CLEC16A: variants seen among roughly 807,000 people sequenced by gnomAD.
The protein encoded by CLEC16A is C-type lectin domain containing 16A, also known as protein CLEC16A.
A neutral mutation model predicts 109.5 loss-of-function variants in CLEC16A; 51 were observed. The ratio of observed to expected loss-of-function variants is 0.47; its 90% CI spans 0.37 to 0.59. CLEC16A has a LOEUF of 0.59. CLEC16A is among the 20% of genes least tolerant of loss of function. The pLI is 0.00. For missense variants in CLEC16A, 1,339 were observed against 1,394.0 expected, an observed-to-expected ratio of 0.96 and a Z score of 0.63; for synonymous variants, 673 against 564.2, an observed-to-expected ratio of 1.19 and a Z score of -2.73.
At chr16:11,044,130 T>C in intron 16 of CLEC16A, 58 bp downstream of exon 16, 1 of 1,455,952 alleles carries the variant, frequency 6.9e-7, no homozygotes, top group South Asian at 1.3e-5. Flanking sequence ...AACAGAAGTG[T>C]GGTGTCTGGT....
intron 11 of CLEC16A, among the ~76,000 whole-genome samples, chr16:11,016,409 C>G (rs971338358): frequency 6.6e-6 from 1 of 150,770 alleles, no homozygotes; most frequent in Non-Finnish European, 1.5e-5. Flanking sequence ...AGTGCAGTGG[C>G]CCAATCTTGG....
chr16:11,000,885 G>C (rs978514308), intron 10 of CLEC16A, among the ~76,000 whole-genome samples: 3 of 152,154 alleles, frequency 2.0e-5, no homozygotes, highest in Admixed American at 6.5e-5. Context: ...GCATATAATT[G>C]GTGGTCGTTT....
intron 18 of CLEC16A, 102 bp from the exon 19 acceptor site, chr16:11,060,800 C>A: frequency 8.1e-7 from 1 of 1,231,416 alleles, no homozygotes; most frequent in Non-Finnish European, 1.1e-6. Context: ...GCGTTTCTTT[C>A]TTTTTTAATA....
At chr16:11,020,050 T>C in intron 11 of CLEC16A, 143 bp from the exon 12 acceptor site, 1 of 857,508 alleles carries the variant, frequency 1.2e-6, no homozygotes, top group Non-Finnish European at 1.7e-6. Context: ...AGTGTGTCTC[T>C]GGTGTTCAGG....
At chr16:10,995,947 A>T (rs1054322380) in intron 10 of CLEC16A, among the ~76,000 whole-genome samples, 3 of 152,304 alleles carry the variant, frequency 2.0e-5, no homozygotes, top group Non-Finnish European at 4.4e-5. Context: ...CTTGATTATC[A>T]CAACAGCTTT....
intron 19 of CLEC16A, among the ~76,000 whole-genome samples, chr16:11,106,145 TG>T (rs2051205914): frequency 6.6e-6 from 1 of 152,240 alleles, no homozygotes; most frequent in Non-Finnish European, 1.5e-5. Flanking sequence ...GTAATTTGCC[TG>T]AACTTCACAA....
In CLEC16A at chr16:10,989,252, G is replaced by A. The variant is rs142749090; in HGVS notation, c.1071+6261G>A. On this transcript the variant is annotated intron_variant, in intron 10 of 23. Coordinates refer to ENST00000409790, the MANE Select transcript of CLEC16A (RefSeq NM_015226.3). Reference sequence around the variant, plus strand: ...TTGTTTTTTTTTGAGACAGGATCTCGCGTTGTTGCCCAGTCTGGAGAGCAG... The same window carrying A: ...TTGTTTTTTTTTGAGACAGGATCTCACGTTGTTGCCCAGTCTGGAGAGCAG... Among the ~76,000 whole-genome samples, 1,204 of 151,890 alleles carry A rather than the reference G, an allele frequency of 7.9e-3. 21 individuals carry two copies. The highest frequency in any genetic ancestry group is 0.028 in the African/African-American group (1,144 of 41,424).
At chr16:11,169,185 C>G (rs1597623189) in intron 23 of CLEC16A, among the ~76,000 whole-genome samples, 2 of 152,214 alleles carry the variant, frequency 1.3e-5, no homozygotes, top group East Asian at 3.8e-4. Context: ...TATGGAGCCT[C>G]CCAGAGTCCA....
intron 19 of CLEC16A, among the ~76,000 whole-genome samples, chr16:11,070,085 T>C (rs2048983672): frequency 6.6e-6 from 1 of 152,098 alleles, no homozygotes; most frequent in Admixed American, 6.5e-5. Context: ...TTTTTTTTTT[T>C]TTTGAGACGG....
chr16:11,021,867 A>C (rs960010441), intron 12 of CLEC16A, among the ~76,000 whole-genome samples: 1 of 152,164 alleles, frequency 6.6e-6, no homozygotes, highest in African/African-American at 2.4e-5. Context: ...TGATAAATGG[A>C]AACAGAGAAC....
chr16:11,009,907 A>C (rs1282201171), intron 11 of CLEC16A, among the ~76,000 whole-genome samples: 4 of 152,204 alleles, frequency 2.6e-5, no homozygotes, highest in African/African-American at 9.7e-5. Context: ...TAATCCCAGC[A>C]CTTCGGGAGG....
Position 11,178,313 on chromosome 16 carries a change from C to T in CLEC16A, c.2807-22C>T, listed in dbSNP as rs72650661. 0.015 allele frequency: 23,917 copies of T among 1,583,626 alleles called. 215 individuals carry two copies. Among genetic ancestry groups the T allele is most frequent in the Non-Finnish European group, 0.018 (20,817 of 1,158,600 alleles). ...GTGTCTCAAGGGCTCAGTGTGTTTC[C>T]GGTTTTTCTCCCCCAATCCAGATGC... On this transcript the variant is annotated intron_variant, in intron 23 of 23. Coordinates refer to ENST00000409790, the MANE Select transcript of CLEC16A (RefSeq NM_015226.3). The surrounding 1 kb of genome is among the most constrained non-coding windows in gnomAD (Gnocchi z 6.5).
At chr16:11,100,319 G>A (rs79295124) in intron 19 of CLEC16A, among the ~76,000 whole-genome samples, 48 of 152,044 alleles carry the variant, frequency 3.2e-4, no homozygotes, top group Non-Finnish European at 6.5e-4. Flanking sequence ...CCCTTTCTCC[G>A]CCTGCTGGTG....
intron 19 of CLEC16A, among the ~76,000 whole-genome samples, chr16:11,096,779 A>G (rs932919926): frequency 6.6e-6 from 1 of 152,220 alleles, no homozygotes; most frequent in East Asian, 1.9e-4. Context: ...AAATGTAGGA[A>G]TATTTTGTCC....
At position 11,174,521 on chromosome 16, in the gene CLEC16A, A is replaced by G. The variant is rs2068665089; in HGVS notation, c.2807-3814A>G. ...CGCGACAGTCCTTCACCTTCGCGACAGTCCTTCTGAGCCAGACCTGTACAG... is the reference window on the plus strand; with the variant it reads ...CGCGACAGTCCTTCACCTTCGCGACGGTCCTTCTGAGCCAGACCTGTACAG... On this transcript the variant is annotated intron_variant, in intron 23 of 23. Transcript: ENST00000409790. This position sits in a 1 kb window ranked among gnomAD's most constrained non-coding sequence, Gnocchi z 4.7. Among the ~76,000 whole-genome samples the G allele has an allele frequency of 6.6e-6, 1 of 152,200 alleles. No individual in the cohort carries two copies. Among genetic ancestry groups the G allele is most frequent in the Non-Finnish European group, 1.5e-5 (1 of 68,032 alleles).
Position 10,954,357 on chromosome 16 carries a change from T to C in CLEC16A, c.81-3425T>C, listed in dbSNP as rs1158477554. On this transcript the variant is annotated intron_variant, in intron 1 of 23. Coordinates refer to ENST00000409790, the MANE Select transcript of CLEC16A (RefSeq NM_015226.3). The surrounding 1 kb of genome is among the most constrained non-coding windows in gnomAD (Gnocchi z 4.2). ...GGCACGTGGGGGCTCCTAGAATCTT[T>C]TTTTCAGGACTTACCGCCCTGCCCT... Among the ~76,000 whole-genome samples, 2 of 152,162 alleles carry C rather than the reference T, an allele frequency of 1.3e-5. No homozygotes were observed. Among genetic ancestry groups the C allele is most frequent in the African/African-American group, 2.4e-5 (1 of 41,434 alleles).
chr16:11,102,046 T>G (rs998269729), intron 19 of CLEC16A, among the ~76,000 whole-genome samples: 17 of 151,638 alleles, frequency 1.1e-4, no homozygotes, highest in Non-Finnish European at 2.4e-4. Context: ...CTCTTGGGCT[T>G]GAGCAATCTG....
At chr16:10,965,508 C>T (rs577367800) in intron 3 of CLEC16A, among the ~76,000 whole-genome samples, 2 of 152,142 alleles carry the variant, frequency 1.3e-5, no homozygotes, top group African/African-American at 2.4e-5. Flanking sequence ...CTCATTGTCC[C>T]GTTCTGTAAC....
chr16:11,128,138 G>A (rs2052956581), intron 22 of CLEC16A, among the ~76,000 whole-genome samples: 1 of 152,316 alleles, frequency 6.6e-6, no homozygotes, highest in African/African-American at 2.4e-5. Flanking sequence ...GGAACTTACT[G>A]GTTAAAGAGA....
Sources: gnomAD v4.1 joint callset for allele counts (sites outside exome capture counted in the v4.1 genomes callset) on GRCh38, gnomAD v4.1.1 for gene constraint, Gnocchi (gnomAD v3.1) non-coding constraint, MANE v1.5 for transcripts, NCBI Gene and HGNC (gene_info 2026-07-23, HGNC 2026-07-21) for gene names.